Variants in ZSCAN9 observed in about 807,000 individuals in gnomAD.
The protein encoded by ZSCAN9 is zinc finger and SCAN domain containing 9, also known as zinc finger and SCAN domain-containing protein 9.
A neutral mutation model predicts 23.0 loss-of-function variants in ZSCAN9; 19 were observed. That is an observed-to-expected ratio of 0.83 (90% confidence interval 0.58 to 1.21). The LOEUF (loss-of-function observed/expected upper bound fraction) is 1.21. ZSCAN9 is among the 50% of genes most tolerant of loss of function. The pLI is 0.00. For synonymous variants in ZSCAN9, 155 were observed against 164.8 expected, an observed-to-expected ratio of 0.94 and a Z score of 0.46; for missense variants, 467 against 471.5, an observed-to-expected ratio of 0.99 and a Z score of 0.09.
Position 28,227,722 on chromosome 6 carries a change from C to T in ZSCAN9, c.453C>T (p.Leu151=). 1 of 1,607,396 alleles carries T rather than the reference C, an allele frequency of 6.2e-7. No individual in the cohort carries two copies. Among genetic ancestry groups the T allele is most frequent in the Non-Finnish European group, 8.5e-7 (1 of 1,178,508 alleles). ...CCCACAGACACAGACAAGAAGTCCT[C>T]TGTAAAGAGATGGTGCCTCTAGCAG... The part of the protein sequence containing the change: ...MVAHRHRQEV[L]CKEMVPLAEQ... Residue 151 remains leucine, a synonymous_variant, in exon 3 of 4, where the codon CTC becomes CTT. Transcript: ENST00000252207.
chr6:28,228,423 T>C, intron 3 of ZSCAN9: 1 of 251,310 alleles, frequency 4.0e-6, no homozygotes, highest in South Asian at 5.1e-5. Flanking sequence ...TCACATGGCC[T>C]TTCTTCTGTA....
In ZSCAN9 at chr6:28,225,636, A is replaced by T. The variant is rs376742121; in HGVS notation, c.-74+270A>T. Among the ~76,000 whole-genome samples the T allele has an allele frequency of 2.8e-3, 423 of 152,180 alleles. 2 individuals carry two copies. The highest frequency in any genetic ancestry group is 8.4e-3 in the African/African-American group (348 of 41,524). ...AGGCTTAGGACTCAGGGAAAGAAAC[A>T]CCCGGGAGAGGAAGTTAAGGACAAT... On this transcript the variant is annotated intron_variant, in intron 1 of 3. Transcript: ENST00000252207.
rs746065096 is a variant in ZSCAN9 at position 28,233,034 on chromosome 6, C to T, written c.1041C>T (p.Tyr347=). 1.2e-6 allele frequency: 2 copies of T among 1,614,138 alleles called. No homozygotes were observed. The highest frequency in any genetic ancestry group is 1.7e-5 in the Admixed American group (1 of 60,026). Residue 347 remains tyrosine (Y), a synonymous_variant, in exon 4 of 4, where the codon TAC becomes TAT. Transcript: ENST00000252207. ...PYQCSQCSKS[Y]SRRSFLIEHQ... ...AGTGCAGCCAGTGCAGTAAGAGCTA[C>T]AGTCGGCGTTCATTTCTCATTGAAC...
Position 28,227,286 on chromosome 6 carries a change from G to A in ZSCAN9, c.202G>A (p.Glu68Lys), listed in dbSNP as rs371694763. 9.3e-6 allele frequency: 15 copies of A among 1,614,122 alleles called. No homozygotes were observed. In the East Asian group the frequency reaches 1.1e-4, roughly 12 times the overall value. Residue 68 changes from glutamate to lysine, a missense_variant, in exon 2 of 4, where the codon GAG becomes AAG. Transcript: ENST00000252207. ...LCYQETPGPR[E>K]ALTRLQELCY... is the part of the protein sequence containing the mutation. ...CTACCAAGAGACCCCTGGACCAAGGGAGGCTCTTACTCGACTCCAGGAACT... is the reference window on the plus strand; with the variant it reads ...CTACCAAGAGACCCCTGGACCAAGGAAGGCTCTTACTCGACTCCAGGAACT...
intron 3 of ZSCAN9, among the ~76,000 whole-genome samples, chr6:28,230,839 A>G (rs1421649244): frequency 1.3e-5 from 2 of 152,206 alleles, no homozygotes; most frequent in African/African-American, 4.8e-5. Context: ...TAGAAGAATT[A>G]AGATAGACCT....
chr6:28,228,111 A>G (rs1181827784), intron 3 of ZSCAN9: 1 of 674,220 alleles, frequency 1.5e-6, no homozygotes, highest in Non-Finnish European at 2.6e-6. Context: ...GCTTCAGAGA[A>G]TGGACTTCAA....
chr6:28,233,338 GCTA>G lies in ZSCAN9; in HGVS notation c.*163_*165del. 1 of 1,303,232 alleles carries G rather than the reference GCTA, an allele frequency of 7.7e-7. No homozygotes were observed. Among genetic ancestry groups the G allele is most frequent in the Non-Finnish European group, 1.0e-6 (1 of 981,898 alleles). The allele number at this position is 1,303,232 out of a possible 1,614,324, so 80.7% of individuals were successfully genotyped here. A position where few individuals can be genotyped will look rare whatever the true frequency, so the allele number is the denominator to read the frequency against. ...CTTAAAGGAAAGTTGGGTGTTTGAA[GCTA>G]CTGTTTTCTCTTTTGTTCATTTTAC... On this transcript the variant is annotated 3_prime_UTR_variant, in exon 4 of 4. Coordinates refer to ENST00000252207, the MANE Select transcript of ZSCAN9 (RefSeq NM_006299.5).
chr6:28,226,013 C>T (rs1461063103), intron 1 of ZSCAN9, among the ~76,000 whole-genome samples: 1 of 152,228 alleles, frequency 6.6e-6, no homozygotes, highest in Admixed American at 6.5e-5. Context: ...TCAGGTGCTT[C>T]CTGCGTCTGT....
Position 28,227,883 on chromosome 6 carries a change from AAGC to A in ZSCAN9, c.568+48_568+50del, listed in dbSNP as rs771637391. The stretch of plus-strand genomic sequence containing the variant: ...GATGTTGAACGAATCCCACCTGGTC[AAGC>A]AAAAACAAACAATAAACCCAGAGCT... On this transcript the variant is annotated intron_variant, in intron 3 of 3. Transcript: ENST00000252207. 4 of 1,607,888 alleles carry A rather than the reference AAGC, an allele frequency of 2.5e-6. No homozygotes were observed. The South Asian group carries it at 4.4e-5, about 18-fold the overall frequency.
chr6:28,227,613 G>A, intron 2 of ZSCAN9, 77 bp from the exon 3 acceptor site: 1 of 1,576,672 alleles, frequency 6.3e-7, no homozygotes, highest in Non-Finnish European at 8.6e-7. Context: ...CTCTCTTCCT[G>A]TTTCCTTCTT....
intron 3 of ZSCAN9, chr6:28,229,374 T>C (rs1760216851): frequency 6.5e-6 from 1 of 153,498 alleles, no homozygotes; most frequent in East Asian, 1.9e-4. Flanking sequence ...AAACTGCATC[T>C]AGAACCCTGC....
chr6:28,232,483 T>C (rs773059296), intron 3 of ZSCAN9, 79 bp from the exon 4 acceptor site: 36 of 1,523,084 alleles, frequency 2.4e-5, no homozygotes, highest in Non-Finnish European at 3.1e-5. Context: ...TTTTCTATGA[T>C]ATATTTTTAT....
Position 28,233,046 on chromosome 6 carries a change from AT to A in ZSCAN9, c.1056del (p.Leu353SerfsTer47), listed in dbSNP as rs1221153627. 7.4e-6 allele frequency: 12 copies of A among 1,614,168 alleles called. No homozygotes were observed. Among genetic ancestry groups the A allele is most frequent in the Non-Finnish European group, 1.0e-5 (12 of 1,180,012 alleles). On this transcript the variant is annotated frameshift_variant, in exon 4 of 4. Coordinates refer to ENST00000252207, the MANE Select transcript of ZSCAN9 (RefSeq NM_006299.5). LOFTEE classifies it low-confidence loss of function (END_TRUNC). ...GCAGTAAGAGCTACAGTCGGCGTTC[AT>A]TTCTCATTGAACATCAGAGAAGCCA... ...QCSKSYSRRS[F>X]LIEHQRSHTG...
chr6:28,225,827 C>T (rs1231498448), intron 1 of ZSCAN9, among the ~76,000 whole-genome samples: 1 of 152,212 alleles, frequency 6.6e-6, no homozygotes, highest in African/African-American at 2.4e-5. Flanking sequence ...ATAATACATA[C>T]AAATCACTGA....
At position 28,225,895 on chromosome 6, in the gene ZSCAN9, C is replaced by G. The variant is rs79049448; in HGVS notation, c.-74+529C>G. Among the ~76,000 whole-genome samples the G allele has an allele frequency of 3.0e-4, 45 of 152,368 alleles. No individual in the cohort carries two copies. In the East Asian group the frequency reaches 8.5e-3, roughly 29 times the overall value. On this transcript the variant is annotated intron_variant, in intron 1 of 3. Coordinates refer to ENST00000252207, the MANE Select transcript of ZSCAN9 (RefSeq NM_006299.5). ...CTGTACTTCTCTCCACCTCCCAATT[C>G]AGATTCCCCAGATGTCTGCCATAGG... is the stretch of plus-strand genomic sequence containing the variant.
rs1760139763 is a variant in ZSCAN9 at position 28,227,216 on chromosome 6, T to C, written c.132T>C (p.Asn44=). ...QWQESRLKRS[N]PLAREIFRRH... ...AGGAATCCAGACTGAAACGCAGTAA[T>C]CCACTGGCAAGGGAAATCTTCCGAA... Residue 44 remains asparagine, a synonymous_variant, in exon 2 of 4, where the codon AAT becomes AAC. Transcript: ENST00000252207. The C allele has an allele frequency of 6.2e-7, 1 of 1,614,216 alleles. No homozygotes were observed.
Position 28,232,786 on chromosome 6 carries a change from CAG to C in ZSCAN9, c.796_797del (p.Ser266LeufsTer17), listed in dbSNP as rs1760354258. The C allele has an allele frequency of 6.2e-7, 1 of 1,614,194 alleles. No individual in the cohort carries two copies. The highest frequency in any genetic ancestry group is 8.5e-7 in the Non-Finnish European group (1 of 1,180,046). On this transcript the variant is annotated frameshift_variant, in exon 4 of 4. Coordinates refer to ENST00000252207, the MANE Select transcript of ZSCAN9 (RefSeq NM_006299.5). LOFTEE classifies it low-confidence loss of function (END_TRUNC). ...KCDECGKSFTQSSGLIRHQRI... is the reference protein window; with the variant it reads ...KCDECGKSFTXSSGLIRHQRI... Reference sequence around the variant, plus strand: ...TGATGAATGTGGGAAGAGCTTTACTCAGAGCTCAGGTCTCATTCGACATCAAA... The same window carrying C: ...TGATGAATGTGGGAAGAGCTTTACTCAGCTCAGGTCTCATTCGACATCAAA...
intron 2 of ZSCAN9, 39 bp downstream of exon 2, chr6:28,227,543 G>A: frequency 5.7e-6 from 9 of 1,566,090 alleles, no homozygotes; most frequent in Non-Finnish European, 7.8e-6. Context: ...TGTGTATTTT[G>A]GCATGCCAAG....
intron 3 of ZSCAN9, among the ~76,000 whole-genome samples, chr6:28,230,653 G>A (rs1760273600): frequency 6.6e-6 from 1 of 152,128 alleles, no homozygotes; most frequent in Non-Finnish European, 1.5e-5. Context: ...TAAAACAGAA[G>A]GTTCCTCCTC....
Sources: gnomAD v4.1 joint callset for allele counts (sites outside exome capture counted in the v4.1 genomes callset) on GRCh38, gnomAD v4.1.1 for gene constraint, MANE v1.5 for transcripts, NCBI Gene and HGNC (gene_info 2026-07-23, HGNC 2026-07-21) for gene names.